The following PCDHA2 variants were observed in gnomAD, a reference collection of about 807,000 sequenced individuals.
PCDHA2 encodes the protein protocadherin alpha-2.
In PCDHA2, 58 loss-of-function variants were observed where a neutral mutation model predicts 66.0. The ratio of observed to expected loss-of-function variants is 0.88; its 90% CI spans 0.71 to 1.09. PCDHA2 has a LOEUF of 1.09. Ranked by LOEUF, PCDHA2 falls within the 50% of genes least tolerant of loss-of-function variation. The pLI is 0.00. For missense variants in PCDHA2, 1,267 were observed against 1,242.3 expected (o/e 1.02, Z -0.30); for synonymous variants, 634 against 554.0 (o/e 1.14, Z -2.03).
In PCDHA2 at chr5:140,858,056, G is replaced by A; in HGVS notation, c.2388+60704G>A. ...GGCCACTGTGCTTGTGTCGCTTGTG[G>A]AGGGCAGCCAGGCACCCAAGGCCTC... is the stretch of plus-strand genomic sequence containing the variant. On this transcript the variant is annotated intron_variant, in intron 1 of 3. Transcript: ENST00000526136. 1.9e-6 allele frequency: 3 copies of A among 1,597,644 alleles called. 1 individual carries two copies. The highest frequency in any genetic ancestry group is 2.6e-6 in the Non-Finnish European group (3 of 1,167,552).
chr5:140,875,695 C>T (rs782520558), intron 1 of PCDHA2: 4 of 1,613,962 alleles, frequency 2.5e-6, no homozygotes, highest in East Asian at 2.2e-5. Context: ...CGGGGACCTT[C>T]TGGAGGTAAA....
At chr5:140,943,761 A>T (rs1219179710) in intron 1 of PCDHA2, among the ~76,000 whole-genome samples, 1 of 152,248 alleles carries the variant, frequency 6.6e-6, no homozygotes, top group Non-Finnish European at 1.5e-5. Context: ...TAGGAGATGT[A>T]GGAAAAAAAC....
chr5:140,883,862 C>T (rs1467289225), intron 1 of PCDHA2: 3 of 1,613,000 alleles, frequency 1.9e-6, no homozygotes, highest in Non-Finnish European at 1.7e-6. Flanking sequence ...GGAGCTGTTG[C>T]AGTTCCAGGT....
intron 1 of PCDHA2, among the ~76,000 whole-genome samples, chr5:140,964,690 A>G (rs1554227180): frequency 2.6e-5 from 4 of 152,036 alleles, no homozygotes. Context: ...TGTGCACTTG[A>G]GAGATTAAGG....
At position 140,858,438 on chromosome 5, in the gene PCDHA2, TG is replaced by T; in HGVS notation, c.2388+61089del. ...ATTGGAGGGGACCACTCTAGGAAGG[TG>T]GGTTATTACGTTTTCATTTTCCTTT... On this transcript the variant is annotated intron_variant, in intron 1 of 3. Transcript: ENST00000526136. 1 of 1,540,928 alleles carries T rather than the reference TG, an allele frequency of 6.5e-7. No individual in the cohort carries two copies. The highest frequency in any genetic ancestry group is 8.8e-7 in the Non-Finnish European group (1 of 1,134,396).
intron 3 of PCDHA2, among the ~76,000 whole-genome samples, chr5:140,991,620 T>C (rs2097462467): frequency 6.6e-6 from 1 of 152,212 alleles, no homozygotes; most frequent in Non-Finnish European, 1.5e-5. Flanking sequence ...TTTAATGCCA[T>C]ATTTGTAATA....
At chr5:140,802,483 A>C (rs998632844) in intron 1 of PCDHA2, 5 of 1,614,118 alleles carry the variant, frequency 3.1e-6, no homozygotes, top group Non-Finnish European at 4.2e-6. Flanking sequence ...ACTGCTCGGG[A>C]CGGGGGCTCG....
intron 1 of PCDHA2, chr5:140,966,878 G>A (rs2096064555): frequency 6.3e-7 from 1 of 1,587,174 alleles, no homozygotes; most frequent in African/African-American, 1.3e-5. Flanking sequence ...GCTGCTACCT[G>A]GCCCTGCGGC....
At chr5:140,828,015 A>G (rs1769489590) in intron 1 of PCDHA2, 1 of 1,509,160 alleles carries the variant, frequency 6.6e-7, no homozygotes, top group African/African-American at 1.4e-5. Flanking sequence ...GAAATGGATT[A>G]ATAAATTCCG....
At chr5:140,816,026 C>A (rs1308933876) in intron 1 of PCDHA2, 4 of 152,090 alleles carry the variant, frequency 2.6e-5, no homozygotes, top group African/African-American at 9.7e-5. Flanking sequence ...TTTCTTGGAT[C>A]TTGATGTCCA....
intron 1 of PCDHA2, chr5:140,875,488 C>G: frequency 3.7e-6 from 6 of 1,612,568 alleles, no homozygotes; most frequent in Non-Finnish European, 5.1e-6. Flanking sequence ...GATTATCGGA[C>G]CAAGAGGCCC....
intron 1 of PCDHA2, chr5:140,822,334 G>C: frequency 6.2e-7 from 1 of 1,614,120 alleles, no homozygotes; most frequent in Non-Finnish European, 8.5e-7. Flanking sequence ...AAATGAAGAA[G>C]AAACGAACTT....
chr5:140,815,318 T>C (rs909409107), intron 1 of PCDHA2: 1 of 152,164 alleles, frequency 6.6e-6, no homozygotes, highest in African/African-American at 2.4e-5. Context: ...TGTAATGCTA[T>C]GTTTTTGTTC....
chr5:140,837,902 C>T (rs1358227516), intron 1 of PCDHA2, among the ~76,000 whole-genome samples: 2 of 151,630 alleles, frequency 1.3e-5, no homozygotes, highest in Non-Finnish European at 2.9e-5. Context: ...TGGTCTTGAA[C>T]TCCTGGCTTC....
Position 140,857,808 on chromosome 5 carries a change from G to A in PCDHA2, c.2388+60456G>A. ...CTGGTGCTGCGGTCGGTGGTTGCGG[G>A]TCACGTGGTGGCTAAGGTGCGCGCA... On this transcript the variant is annotated intron_variant, in intron 1 of 3. Coordinates refer to ENST00000526136, the MANE Select transcript of PCDHA2 (RefSeq NM_018905.3). The A allele has an allele frequency of 4.4e-6, 7 of 1,597,848 alleles. 1 individual carries two copies. The highest frequency in any genetic ancestry group is 6.0e-6 in the Non-Finnish European group (7 of 1,167,652).
chr5:140,843,845 C>T (rs1191998999), intron 1 of PCDHA2: 4 of 1,001,396 alleles, frequency 4.0e-6, no homozygotes, highest in African/African-American at 1.6e-5. Context: ...TTTTTAGAAA[C>T]CTTTTATAAT....
chr5:140,860,055 A>C (rs1466399941), intron 1 of PCDHA2: 6 of 151,228 alleles, frequency 4.0e-5, no homozygotes, highest in Admixed American at 3.3e-4. Flanking sequence ...TTGAGAGGCC[A>C]AGGTGGGAGG....
chr5:140,953,602 CCA>C (rs1246265860), intron 1 of PCDHA2, among the ~76,000 whole-genome samples: 3 of 152,040 alleles, frequency 2.0e-5, no homozygotes, highest in Admixed American at 6.6e-5. Context: ...TGTTTATTCC[CCA>C]GAGTCCTTAG....
At position 140,807,822 on chromosome 5, in the gene PCDHA2, T is replaced by C. The variant is rs781816070; in HGVS notation, c.2388+10470T>C. On this transcript the variant is annotated intron_variant, in intron 1 of 3. Transcript: ENST00000526136. ...GAAGCTCCGGAGATTTTTTTAGTGC[T>C]CACAGCCACTGATGGAGGCAAACCC... is the stretch of plus-strand genomic sequence containing the variant. The C allele has an allele frequency of 7.4e-6, 12 of 1,614,038 alleles. No individual in the cohort carries two copies. The East Asian group carries it at 2.7e-4, about 36-fold the overall frequency.
Sources: allele counts gnomAD v4.1 joint callset (sites outside exome capture counted in the v4.1 genomes callset), GRCh38; gene constraint gnomAD v4.1.1; transcripts MANE v1.5; gene names NCBI Gene and HGNC (gene_info 2026-07-23, HGNC 2026-07-21).